Variants in ADGRA2 observed in about 807,000 individuals in gnomAD.
ADGRA2 encodes the protein G-protein coupled receptor 124.
Under a neutral mutation model 98.7 loss-of-function variants are expected in ADGRA2, and 61 were observed. The observed-to-expected ratio is 0.62, with a 90% CI of 0.50 to 0.76. The LOEUF (loss-of-function observed/expected upper bound fraction) is 0.76, where lower values mean the gene tolerates loss of function less well. ADGRA2 is among the 30% of genes least tolerant of loss of function. The pLI, the probability that ADGRA2 is intolerant of heterozygous loss-of-function variation, is 0.00. For missense variants in ADGRA2, 1,712 were observed against 1,860.0 expected (o/e 0.92, Z 1.46); for synonymous variants, 858 against 831.5 (o/e 1.03, Z -0.55).
chr8:37,829,897 C>T lies in ADGRA2; in HGVS notation c.601C>T (p.Leu201=). Residue 201 remains leucine, a synonymous_variant, in exon 6 of 19, where the codon CTG becomes TTG. Transcript: ENST00000412232. ...GACCTGTGACTGCCACCTGCGCTGG[C>T]TGCTGCCCTGGGCCCAGAATCGCTC... ...FLTCDCHLRW[L]LPWAQNRSLQ... is the part of the protein sequence containing the mutation. 6.2e-7 allele frequency: 1 copy of T among 1,612,990 alleles called. No individual in the cohort carries two copies. Among genetic ancestry groups the T allele is most frequent in the Non-Finnish European group, 8.5e-7 (1 of 1,179,914 alleles).
intron 2 of ADGRA2, among the ~76,000 whole-genome samples, chr8:37,817,610 G>A (rs891971433): frequency 2.0e-5 from 3 of 152,174 alleles, no homozygotes; most frequent in African/African-American, 7.2e-5. Context: ...TCAGGAGGCT[G>A]AGGTGGGAAT....
chr8:37,826,120 A>T (rs1805272922), intron 2 of ADGRA2, among the ~76,000 whole-genome samples: 1 of 151,978 alleles, frequency 6.6e-6, no homozygotes, highest in African/African-American at 2.4e-5. Flanking sequence ...GAATAAACAC[A>T]AGTGAGCGGG....
Position 37,831,418 on chromosome 8 carries a change from C to T in ADGRA2, c.933-5C>T, listed in dbSNP as rs541895336. 55 of 1,609,222 alleles carry T rather than the reference C, an allele frequency of 3.4e-5. No individual in the cohort carries two copies. The highest frequency in any genetic ancestry group is 8.3e-5 in the Admixed American group (5 of 60,014). ...TCACGAGCCAGCTCCACCTGCCACC[C>T]GCAGTGAGCTGACGCTGTCTCACAT... is the stretch of plus-strand genomic sequence containing the variant. On this transcript the variant is annotated splice_polypyrimidine_tract_variant and splice_region_variant and intron_variant, in intron 7 of 18. Coordinates refer to ENST00000412232, the MANE Select transcript of ADGRA2 (RefSeq NM_032777.10).
Position 37,841,908 on chromosome 8 carries a change from C to G in ADGRA2, c.3570C>G (p.His1190Gln). The G allele has an allele frequency of 6.5e-7, 1 of 1,530,700 alleles. No homozygotes were observed. Among genetic ancestry groups the G allele is most frequent in the South Asian group, 1.2e-5 (1 of 83,686 alleles). 94.8% of individuals were successfully genotyped at this position (1,530,700 alleles called of 1,614,324 possible). Residue 1190 changes from histidine to glutamine, a missense_variant, in exon 19 of 19, where the codon CAC (histidine) becomes CAG (glutamine). His to Gln is a conservative substitution (Grantham distance 24, BLOSUM62 0). Transcript: ENST00000412232. This position sits in a 1 kb window ranked among gnomAD's most constrained non-coding sequence, Gnocchi z 5.0. The part of the protein sequence containing the change: ...RRAHKSRAKG[H>Q]RAGEACGKNR... Reference sequence around the variant, plus strand: ...CGCACAAGAGCCGGGCCAAGGGACACCGCGCGGGGGAGGCCTGCGGCAAGA... The same window carrying G: ...CGCACAAGAGCCGGGCCAAGGGACAGCGCGCGGGGGAGGCCTGCGGCAAGA...
At position 37,839,533 on chromosome 8, in the gene ADGRA2, CT is replaced by C; in HGVS notation, c.2423del (p.Leu808ArgfsTer2). Reference protein sequence around the residue: ...IRVSRKGWHMLLNLCFHIAMT... With the variant: ...IRVSRKGWHMXLNLCFHIAMT... ...TGTGTCCCGGAAAGGCTGGCACATG[CT>C]GCTGAACTTGTGCTTCCACATAGCC... On this transcript the variant is annotated frameshift_variant, in exon 16 of 19. Coordinates refer to ENST00000412232, the MANE Select transcript of ADGRA2 (RefSeq NM_032777.10). LOFTEE classifies it high-confidence loss of function. 1 of 1,614,152 alleles carries C rather than the reference CT, an allele frequency of 6.2e-7. No individual in the cohort carries two copies. Among genetic ancestry groups the C allele is most frequent in the South Asian group, 1.1e-5 (1 of 91,088 alleles).
intron 8 of ADGRA2, among the ~76,000 whole-genome samples, chr8:37,832,266 T>C (rs1805479345): frequency 6.6e-6 from 1 of 152,180 alleles, no homozygotes; most frequent in Non-Finnish European, 1.5e-5. Flanking sequence ...TTGGCCAGGC[T>C]GGTCTCGAAC....
intron 2 of ADGRA2, among the ~76,000 whole-genome samples, chr8:37,828,304 C>A (rs572028002): frequency 6.6e-6 from 1 of 152,084 alleles, no homozygotes; most frequent in African/African-American, 2.4e-5. Context: ...CAGGGCAGTC[C>A]GGAGGTGGGG....
intron 1 of ADGRA2, among the ~76,000 whole-genome samples, chr8:37,798,135 G>GCT (rs146929343): frequency 0.085 from 12,952 of 152,184 alleles, 819 homozygotes; most frequent in East Asian, 0.16. Flanking sequence ...CTCCTGGGCT[G>GCT]CAGGAGACCC....
chr8:37,837,130 ACCAC>A (rs1805637385), intron 13 of ADGRA2, among the ~76,000 whole-genome samples: 1 of 152,220 alleles, frequency 6.6e-6, no homozygotes, highest in African/African-American at 2.4e-5. Flanking sequence ...GGGATGAGGG[ACCAC>A]CCAACCTAGC....
At chr8:37,819,272 G>C (rs180922801) in intron 2 of ADGRA2, among the ~76,000 whole-genome samples, 151 of 152,322 alleles carry the variant, frequency 9.9e-4, no homozygotes, top group African/African-American at 3.6e-3. Context: ...AGGGTGTGCC[G>C]TGGGCAGCAG....
Position 37,797,276 on chromosome 8 carries a change from C to CCGGGGGACGCAGGATG in ADGRA2, c.15_30dup (p.Ala11ThrfsTer79). The stretch of plus-strand genomic sequence containing the variant: ...CCGCGGGGCGATGGGTTGATGGGCG[C>CCGGGGGACGCAGGATG]CGGGGGACGCAGGATGCGGGGGGCG... On this transcript the variant is annotated frameshift_variant, in exon 1 of 19. Transcript: ENST00000412232. LOFTEE classifies it high-confidence loss of function. The surrounding 1 kb of genome is among the most constrained non-coding windows in gnomAD (Gnocchi z 5.3). The CCGGGGGACGCAGGATG allele has an allele frequency of 7.7e-7, 1 of 1,294,138 alleles. No homozygotes were observed. Among genetic ancestry groups the CCGGGGGACGCAGGATG allele is most frequent in the Non-Finnish European group, 9.7e-7 (1 of 1,027,704 alleles). 80.2% of individuals were successfully genotyped at this position (1,294,138 alleles called of 1,614,324 possible). A position where few individuals can be genotyped will look rare whatever the true frequency, so the allele number is the denominator to read the frequency against.
In ADGRA2 at chr8:37,840,834, G is replaced by T. The variant is rs751849563; in HGVS notation, c.2732G>T (p.Arg911Leu). ...GCTGCAGTCAACATCCACAACTACC[G>T]GGACCACAGCCCCTAGTGAGCACCC... Reference protein sequence around the residue: ...ITAAVNIHNYRDHSPYCWLVW... With the variant: ...ITAAVNIHNYLDHSPYCWLVW... Residue 911 changes from arginine (R) to leucine (L), a missense_variant, in exon 18 of 19, where the codon CGG becomes CTG. By Grantham distance (102) the Arg-to-Leu change is moderately radical (BLOSUM62 -2). Transcript: ENST00000412232. 23 of 1,601,284 alleles carry T rather than the reference G, an allele frequency of 1.4e-5. 1 individual carries two copies. The South Asian group carries it at 2.5e-4, about 18-fold the overall frequency.
rs886678589 is a variant in ADGRA2 at position 37,840,141 on chromosome 8, C to T, written c.2532C>T (p.Tyr844=). 3 of 1,606,026 alleles carry T rather than the reference C, an allele frequency of 1.9e-6. No individual in the cohort carries two copies. Among genetic ancestry groups the T allele is most frequent in the Non-Finnish European group, 2.5e-6 (3 of 1,178,958 alleles). Residue 844 remains tyrosine (Y), a synonymous_variant, in exon 17 of 19, where the codon TAC becomes TAT. Transcript: ENST00000412232. ...CGCAGGTGGGCATCACCCTGCACTA[C>T]TCCTCCCTATCCACGCTGCTCTGGA... ...VCQAVGITLH[Y]SSLSTLLWMG...
At position 37,844,698 on chromosome 8, in the gene ADGRA2, G is replaced by A. The variant is rs758787405; in HGVS notation, c.*2343G>A. On this transcript the variant is annotated 3_prime_UTR_variant, in exon 19 of 19. Transcript: ENST00000412232. Reference sequence around the variant, plus strand: ...TGGCAAGAGAAGGGCAGGACTGGCCGGCCGCTTCCCCTGGGGTAAACCTAA... The same window carrying A: ...TGGCAAGAGAAGGGCAGGACTGGCCAGCCGCTTCCCCTGGGGTAAACCTAA... 9.3e-6 allele frequency: 15 copies of A among 1,613,960 alleles called. No individual in the cohort carries two copies. The highest frequency in any genetic ancestry group is 6.7e-5 in the Admixed American group (4 of 59,996).
chr8:37,837,810 C>A lies in ADGRA2; in HGVS notation c.2130C>A (p.Ala710=). Residue 710 remains alanine, a synonymous_variant, in exon 14 of 19, where the codon GCC becomes GCA. Coordinates refer to ENST00000412232, the MANE Select transcript of ADGRA2 (RefSeq NM_032777.10). ...RHWAEGAEPV[A]AWWSQEGPGE... ...GGGCTGAGGGAGCCGAACCTGTGGC[C>A]GCTTGGTGGAGCCAGGAGGGGCCCG... The A allele has an allele frequency of 6.5e-7, 1 of 1,544,376 alleles. No individual in the cohort carries two copies. Among genetic ancestry groups the A allele is most frequent in the African/African-American group, 1.4e-5 (1 of 73,184 alleles).
rs993297258 is a variant in ADGRA2 at position 37,843,739 on chromosome 8, G to C, written c.*1384G>C. The stretch of plus-strand genomic sequence containing the variant: ...TTATGCTTGCTGCACAGACATATTA[G>C]AAGAAAAAAAAAAGCTTTGTATTAT... On this transcript the variant is annotated 3_prime_UTR_variant, in exon 19 of 19. Coordinates refer to ENST00000412232, the MANE Select transcript of ADGRA2 (RefSeq NM_032777.10). 6.6e-6 allele frequency: 1 copy of C among 151,214 alleles called. No homozygotes were observed. Among genetic ancestry groups the C allele is most frequent in the Non-Finnish European group, 1.5e-5 (1 of 67,748 alleles). The allele number at this position is 151,214 out of a possible 1,614,324, so 9.4% of individuals were successfully genotyped here.
intron 1 of ADGRA2, among the ~76,000 whole-genome samples, chr8:37,809,371 C>T (rs904541010): frequency 6.6e-6 from 1 of 151,822 alleles, no homozygotes; most frequent in Non-Finnish European, 1.5e-5. Context: ...CCAGATAGAC[C>T]CACCACAAGG....
At chr8:37,818,573 G>A (rs909284690) in intron 2 of ADGRA2, among the ~76,000 whole-genome samples, 2 of 152,204 alleles carry the variant, frequency 1.3e-5, no homozygotes, top group East Asian at 1.9e-4. Context: ...AATTCTAAAC[G>A]CTGAGTCCCA....
At chr8:37,839,959 G>A (rs1805740773) in intron 16 of ADGRA2, among the ~76,000 whole-genome samples, 162 bp from the exon 17 acceptor site, 1 of 152,178 alleles carries the variant, frequency 6.6e-6, no homozygotes, top group South Asian at 2.1e-4. Context: ...GAGGGTGGCA[G>A]TAGGGATGGA....
Sources: gnomAD v4.1 joint callset for allele counts (sites outside exome capture counted in the v4.1 genomes callset) on GRCh38, gnomAD v4.1.1 for gene constraint, Gnocchi (gnomAD v3.1) non-coding constraint, MANE v1.5 for transcripts, NCBI Gene and HGNC (gene_info 2026-07-23, HGNC 2026-07-21) for gene names.